Variants in TRHDE observed in about 807,000 individuals in gnomAD.
TRHDE encodes the protein thyrotropin releasing hormone degrading enzyme.
TRHDE carries 72 observed loss-of-function variants against 125.7 expected under a neutral mutation model. That is an observed-to-expected ratio of 0.57 (90% confidence interval 0.47 to 0.70). TRHDE has a LOEUF of 0.70. Ranked by LOEUF, TRHDE falls within the 30% of genes least tolerant of loss-of-function variation. The pLI, the probability that TRHDE is intolerant of heterozygous loss-of-function variation, is 0.00. For synonymous variants in TRHDE, 509 were observed against 509.1 expected, an observed-to-expected ratio of 1.00 and a Z score of 0.00; for missense variants, 1,110 against 1,327.1, an observed-to-expected ratio of 0.84 and a Z score of 2.54.
chr12:72,509,762 C>T (rs1878508124), intron 6 of TRHDE, among the ~76,000 whole-genome samples: 2 of 152,168 alleles, frequency 1.3e-5, no homozygotes, highest in African/African-American at 4.8e-5. Flanking sequence ...CTAGGTTTAT[C>T]ACTAATGTAT....
chr12:72,153,303 C>T (rs1161287200), intron 2 of TRHDE, among the ~76,000 whole-genome samples: 1 of 152,038 alleles, frequency 6.6e-6, no homozygotes, highest in Non-Finnish European at 1.5e-5. Context: ...CTTTATTAGT[C>T]TTGCTAGCAG....
chr12:72,155,663 A>C (rs542344499), intron 2 of TRHDE, among the ~76,000 whole-genome samples: 1 of 152,080 alleles, frequency 6.6e-6, no homozygotes, highest in Non-Finnish European at 1.5e-5. Context: ...TCCACTCCAG[A>C]CCCCGTTTGC....
intron 3 of TRHDE, among the ~76,000 whole-genome samples, chr12:72,465,172 TTAAA>T (rs1217603673): frequency 1.3e-5 from 2 of 152,188 alleles, no homozygotes; most frequent in African/African-American, 4.8e-5. Flanking sequence ...GTTATCTGCC[TTAAA>T]TAAACAAAAG....
rs750140439 is a variant in TRHDE, at chr12:72,619,081, CTATTT to C, written c.2469+48_2469+52del. The C allele has an allele frequency of 5.1e-6, 7 of 1,381,416 alleles. No individual in the cohort carries two copies. In the South Asian group the frequency reaches 9.7e-5, roughly 19 times the overall value. The allele number at this position is 1,381,416 out of a possible 1,614,324, so 85.6% of individuals were successfully genotyped here. ...TTCTTTCTAATTTTTAGAAGATACA[CTATTT>C]TATTCTCTTTCTACTATTATATATG... On this transcript the variant is annotated intron_variant, in intron 13 of 18. Coordinates refer to ENST00000261180, the MANE Select transcript of TRHDE (RefSeq NM_013381.3).
At chr12:72,602,181 C>T (rs1035010589) in intron 12 of TRHDE, among the ~76,000 whole-genome samples, 1 of 151,948 alleles carries the variant, frequency 6.6e-6, no homozygotes, top group Non-Finnish European at 1.5e-5. Flanking sequence ...CCTGATTTCC[C>T]AACATCAATG....
intron 2 of TRHDE, among the ~76,000 whole-genome samples, chr12:72,359,180 GA>G (rs1205454285): frequency 1.2e-4 from 14 of 113,694 alleles, no homozygotes; most frequent in South Asian, 2.6e-4. Flanking sequence ...CAGATCACAA[GA>G]AAAAAAAACA....
chr12:72,467,553 A>G (rs1230830087), intron 3 of TRHDE, among the ~76,000 whole-genome samples: 1 of 152,228 alleles, frequency 6.6e-6, no homozygotes, highest in African/African-American at 2.4e-5. Flanking sequence ...GCGATGGCTC[A>G]GGCCTGTAAT....
At chr12:72,324,003 T>G (rs970398477) in intron 2 of TRHDE, among the ~76,000 whole-genome samples, 1 of 152,094 alleles carries the variant, frequency 6.6e-6, no homozygotes, top group African/African-American at 2.4e-5. Context: ...GAGACCAAAA[T>G]TGACCATAAT....
chr12:72,360,026 C>G (rs566237021), intron 2 of TRHDE, among the ~76,000 whole-genome samples: 1 of 151,456 alleles, frequency 6.6e-6, no homozygotes, highest in Non-Finnish European at 1.5e-5. Context: ...ATAAATAGTA[C>G]GGAGACAATT....
chr12:72,363,332 G>A, intron 2 of TRHDE, among the ~76,000 whole-genome samples: 1 of 151,256 alleles, frequency 6.6e-6, no homozygotes, highest in Non-Finnish European at 1.5e-5. Context: ...AAGAATTTTA[G>A]TCCAATATCC....
intron 2 of TRHDE, among the ~76,000 whole-genome samples, chr12:72,288,265 A>C (rs947604396): frequency 1.2e-4 from 18 of 152,144 alleles, no homozygotes; most frequent in African/African-American, 4.3e-4. Flanking sequence ...AAATAACCTA[A>C]ATTTTGAAAA....
chr12:72,517,561 G>T (rs1404298601), intron 6 of TRHDE, among the ~76,000 whole-genome samples: 1 of 152,104 alleles, frequency 6.6e-6, no homozygotes, highest in East Asian at 1.9e-4. Context: ...CTTGCTAGCG[G>T]TCTATCAGTT....
chr12:72,602,183 A>T (rs978127873), intron 12 of TRHDE, among the ~76,000 whole-genome samples: 8 of 152,122 alleles, frequency 5.3e-5, no homozygotes, highest in African/African-American at 1.9e-4. Context: ...TGATTTCCCA[A>T]CATCAATGTC....
intron 2 of TRHDE, among the ~76,000 whole-genome samples, chr12:72,194,490 T>A (rs1592478225): frequency 6.6e-6 from 1 of 152,084 alleles, no homozygotes; most frequent in East Asian, 1.9e-4. Flanking sequence ...ATGCTGAGGT[T>A]TGGGGTACTG....
Position 72,469,802 on chromosome 12 carries a change from T to C in TRHDE, c.1360T>C (p.Trp454Arg). The C allele has an allele frequency of 6.2e-7, 1 of 1,614,124 alleles. No individual in the cohort carries two copies. The highest frequency in any genetic ancestry group is 8.5e-7 in the Non-Finnish European group (1 of 1,179,974). ...GCATCCGTATGCTGCTATGGAGAAC[T>C]GGGGACTAAGTATTTTTGTGGAACA... ...PKHPYAAMEN[W>R]GLSIFVEQRI... is the part of the protein sequence containing the mutation. The change falls in exon 4 of 19, where the codon TGG (tryptophan) becomes CGG (arginine). Residue 454 changes from tryptophan to arginine, a missense_variant. By Grantham distance (101) the Trp-to-Arg change is moderately radical. Transcript: ENST00000261180.
chr12:72,605,324 C>CTGTT (rs1376879757), intron 12 of TRHDE, among the ~76,000 whole-genome samples: 3 of 152,004 alleles, frequency 2.0e-5, no homozygotes, highest in African/African-American at 4.8e-5. Context: ...TTAAAATAAG[C>CTGTT]TGTTAGCATT....
chr12:72,574,283 T>C (rs780676316), intron 10 of TRHDE, among the ~76,000 whole-genome samples: 20 of 152,100 alleles, frequency 1.3e-4, no homozygotes, highest in Non-Finnish European at 2.6e-4. Context: ...CAGAAGCTTA[T>C]GGTTTCTGTG....
At chr12:72,235,614 C>G (rs1878324897) in intron 2 of TRHDE, among the ~76,000 whole-genome samples, 1 of 152,146 alleles carries the variant, frequency 6.6e-6, no homozygotes. Context: ...ATGAAGGGCT[C>G]AGCTGGATGG....
intron 2 of TRHDE, among the ~76,000 whole-genome samples, chr12:72,224,162 GTATGTATCTATCTATCTATCTATC>G (rs1366845858): frequency 5.9e-4 from 16 of 27,046 alleles, no homozygotes; most frequent in African/African-American, 1.7e-3. Context: ...ATGTATGTAT[GTATGTATCTATCTATCTATCTATC>G]TATCTATCTA....
Sources: gnomAD v4.1 joint callset for allele counts (sites outside exome capture counted in the v4.1 genomes callset) on GRCh38, gnomAD v4.1.1 for gene constraint, MANE v1.5 for transcripts, NCBI Gene and HGNC (gene_info 2026-07-23, HGNC 2026-07-21) for gene names.